Variants in ECM2 observed in about 807,000 individuals in gnomAD.
ECM2 encodes the protein extracellular matrix protein 2, female organ and adipocyte specific.
Under a neutral mutation model 67.5 loss-of-function variants are expected in ECM2, and 57 were observed. That is an observed-to-expected ratio of 0.84 (90% confidence interval 0.68 to 1.05). ECM2 has a LOEUF of 1.05. ECM2 is among the 50% of genes least tolerant of loss of function. The pLI is 0.00. For synonymous variants in ECM2, 258 were observed against 294.5 expected (o/e 0.88, Z 1.27); for missense variants, 741 against 822.8 (o/e 0.90, Z 1.22).
At chr9:92,497,335 A>G (rs1053762469) in intron 9 of ECM2, among the ~76,000 whole-genome samples, 3 of 150,812 alleles carry the variant, frequency 2.0e-5, no homozygotes, top group Non-Finnish European at 4.4e-5. Context: ...TTTAAAAAGT[A>G]AAGGGTAGGC....
chr9:92,546,365 T>C, the ECM2 span, among the ~76,000 whole-genome samples: 101,118 of 152,056 alleles, frequency 0.67, 35,317 homozygotes, highest in African/African-American at 0.89. Context: ...TTTGTTCTTT[T>C]GCTCTTTGCA....
intron 8 of ECM2, among the ~76,000 whole-genome samples, chr9:92,502,254 G>A (rs970066345): frequency 6.6e-6 from 1 of 152,172 alleles, no homozygotes; most frequent in Non-Finnish European, 1.5e-5. Context: ...ATGATAGGGT[G>A]TCCAGTATGC....
intron 1 of ECM2, among the ~76,000 whole-genome samples, chr9:92,534,527 G>A (rs570663362): frequency 1.3e-5 from 2 of 152,252 alleles, no homozygotes; most frequent in South Asian, 4.2e-4. Context: ...ATAGGTTATT[G>A]AAATGACCTA....
chr9:92,544,260 G>T, the ECM2 span, among the ~76,000 whole-genome samples: 1 of 152,336 alleles, frequency 6.6e-6, no homozygotes, highest in East Asian at 1.9e-4. Flanking sequence ...TGGATCACTT[G>T]AGGTCAAGAG....
the ECM2 span, among the ~76,000 whole-genome samples, chr9:92,550,684 C>T: frequency 6.6e-6 from 1 of 152,080 alleles, no homozygotes; most frequent in African/African-American, 2.4e-5. Context: ...TGAAGTTTCA[C>T]ATATGATATT....
At chr9:92,519,165 A>G (rs1462278626) in intron 2 of ECM2, among the ~76,000 whole-genome samples, 2 of 151,988 alleles carry the variant, frequency 1.3e-5, no homozygotes, top group African/African-American at 2.4e-5. Flanking sequence ...GGCCCTACCC[A>G]TCTCTCATTC....
chr9:92,554,687 G>C, the ECM2 span, among the ~76,000 whole-genome samples: 2 of 152,062 alleles, frequency 1.3e-5, no homozygotes, highest in South Asian at 2.1e-4. Flanking sequence ...ACCCAGGCTG[G>C]AGTGCAGTGG....
At chr9:92,535,664 A>G (rs1277956650) in intron 1 of ECM2, among the ~76,000 whole-genome samples, 1 of 151,770 alleles carries the variant, frequency 6.6e-6, no homozygotes, top group Non-Finnish European at 1.5e-5. Context: ...TTAAAAATTA[A>G]TAATATTTTC....
intron 1 of ECM2, among the ~76,000 whole-genome samples, chr9:92,531,495 A>G (rs1412910106): frequency 6.6e-6 from 1 of 152,078 alleles, no homozygotes; most frequent in African/African-American, 2.4e-5. Context: ...TTTAGATCAG[A>G]TTTTTCATCC....
chr9:92,530,415 G>T (rs1255132742), intron 1 of ECM2, among the ~76,000 whole-genome samples: 4 of 152,156 alleles, frequency 2.6e-5, no homozygotes, highest in Non-Finnish European at 5.9e-5. Flanking sequence ...TTGAAAAAAA[G>T]TCTGTTAAAA....
Position 92,495,510 on chromosome 9 carries a change from T to A in ECM2, c.*805A>T. 1 of 983,562 alleles carries A rather than the reference T, an allele frequency of 1.0e-6. No homozygotes were observed. Among genetic ancestry groups the A allele is most frequent in the Non-Finnish European group, 1.2e-6 (1 of 828,190 alleles). The allele number at this position is 983,562 out of a possible 1,614,324, so 60.9% of individuals were successfully genotyped here. On this transcript the variant is annotated 3_prime_UTR_variant, in exon 10 of 10. Coordinates refer to ENST00000344604, the MANE Select transcript of ECM2 (RefSeq NM_001393.4). ...ACCTTTACAAGGTTATAGTCAAGAA[T>A]AATTAATTTGTATTTTAAGCAAACT... is the stretch of plus-strand genomic sequence containing the variant.
the ECM2 span, among the ~76,000 whole-genome samples, chr9:92,555,309 C>T: frequency 6.8e-6 from 1 of 147,086 alleles, no homozygotes; most frequent in Non-Finnish European, 1.5e-5. Context: ...CTCACCACAC[C>T]TCTGCCTCCC....
chr9:92,532,029 A>ATTTTTTTTTTTTTTTTTTTTT (rs201461115), intron 1 of ECM2, among the ~76,000 whole-genome samples: 14 of 91,040 alleles, frequency 1.5e-4, no homozygotes, highest in South Asian at 3.4e-4. Context: ...TTTTTTTTTT[A>ATTTTTTTTTTTTTTTTTTTTT]TTTTATTTTT....
rs765740420 is a variant in ECM2, at chr9:92,522,716, T to A, written c.151A>T (p.Arg51Ter). ...GTTGTTTGCTGAATTCCAAGCTGTC[T>A]GTTTGATCTGTGCTTGTGTGAGGTT... ...SSTSHKHRSN[R>*]QLGIQQTTVF... The change falls in exon 2 of 10, where the codon AGA becomes TGA. Residue 51 changes from arginine (R) to a stop codon, truncating the protein, a stop_gained. Coordinates refer to ENST00000344604, the MANE Select transcript of ECM2 (RefSeq NM_001393.4). LOFTEE classifies it high-confidence loss of function. 1 of 1,614,072 alleles carries A rather than the reference T, an allele frequency of 6.2e-7. No individual in the cohort carries two copies. The highest frequency in any genetic ancestry group is 8.5e-7 in the Non-Finnish European group (1 of 1,180,036).
upstream of ECM2, among the ~76,000 whole-genome samples, chr9:92,538,817 A>G (rs766324250): frequency 6.6e-6 from 1 of 152,190 alleles, no homozygotes; most frequent in Non-Finnish European, 1.5e-5. Flanking sequence ...CAGAGTGAGC[A>G]TTACCCGTGC....
At chr9:92,547,959 T>A in the ECM2 span, among the ~76,000 whole-genome samples, 1 of 152,126 alleles carries the variant, frequency 6.6e-6, no homozygotes, top group Non-Finnish European at 1.5e-5. Context: ...CATTTTCTTA[T>A]GGGAAAAAAG....
At chr9:92,546,755 G>T in the ECM2 span, among the ~76,000 whole-genome samples, 1 of 152,128 alleles carries the variant, frequency 6.6e-6, no homozygotes, top group East Asian at 1.9e-4. Flanking sequence ...ACAATTTTAT[G>T]CTAGTAAATT....
intron 3 of ECM2, among the ~76,000 whole-genome samples, chr9:92,516,156 C>T (rs902539375): frequency 5.3e-5 from 8 of 151,784 alleles, no homozygotes; most frequent in South Asian, 2.1e-4. Flanking sequence ...CTCCGCCTCC[C>T]GGGTTCAAGC....
upstream of ECM2, among the ~76,000 whole-genome samples, chr9:92,540,040 G>T (rs1257557750): frequency 6.6e-6 from 1 of 152,150 alleles, no homozygotes; most frequent in Non-Finnish European, 1.5e-5. Flanking sequence ...TTTTGAATGG[G>T]TAATACATAT....
Sources: gnomAD v4.1 joint callset for allele counts (sites outside exome capture counted in the v4.1 genomes callset) on GRCh38, gnomAD v4.1.1 for gene constraint, MANE v1.5 for transcripts, NCBI Gene and HGNC (gene_info 2026-07-23, HGNC 2026-07-21) for gene names.